Variants in KCNH7 observed in about 807,000 individuals in gnomAD.
KCNH7 encodes the protein potassium voltage-gated channel subfamily H member 7.
KCNH7 carries 49 observed loss-of-function variants against 120.8 expected under a neutral mutation model. The observed-to-expected ratio is 0.41, with a 90% confidence interval of 0.32 to 0.51. The LOEUF is 0.51. KCNH7 is among the 20% of genes least tolerant of loss of function. KCNH7 has a pLI of 0.38. For missense variants in KCNH7, 1,097 were observed against 1,446.6 expected, an observed-to-expected ratio of 0.76 and a Z score of 3.92; for synonymous variants, 547 against 516.1, an observed-to-expected ratio of 1.06 and a Z score of -0.81.
intron 6 of KCNH7, among the ~76,000 whole-genome samples, chr2:162,450,184 C>A (rs1166686722): frequency 6.6e-6 from 1 of 152,008 alleles, no homozygotes; most frequent in South Asian, 2.1e-4. Flanking sequence ...GAAAACTATA[C>A]AAATATTTTT....
chr2:162,381,241 A>G (rs1023293246), intron 13 of KCNH7, among the ~76,000 whole-genome samples: 1 of 152,264 alleles, frequency 6.6e-6, no homozygotes, highest in African/African-American at 2.4e-5. Context: ...CTTGACAAGT[A>G]TCTATGATTA....
intron 9 of KCNH7, among the ~76,000 whole-genome samples, chr2:162,415,691 T>G (rs913756313): frequency 6.6e-6 from 1 of 152,138 alleles, no homozygotes; most frequent in Non-Finnish European, 1.5e-5. Context: ...TAATAACAAT[T>G]TTTTTAAAAA....
chr2:162,437,556 G>A (rs1182061048), intron 7 of KCNH7, among the ~76,000 whole-genome samples: 6 of 152,004 alleles, frequency 3.9e-5, no homozygotes. Flanking sequence ...ACAAACTTAT[G>A]TTTGAATTCT....
intron 2 of KCNH7, among the ~76,000 whole-genome samples, chr2:162,548,390 T>A (rs558688934): frequency 6.6e-6 from 1 of 152,194 alleles, no homozygotes; most frequent in African/African-American, 2.4e-5. Flanking sequence ...CTTCCAAAGG[T>A]GGTTGCAGGA....
At chr2:162,793,640 T>C (rs1219397755) in intron 2 of KCNH7, among the ~76,000 whole-genome samples, 3 of 151,872 alleles carry the variant, frequency 2.0e-5, no homozygotes, top group African/African-American at 7.3e-5. Flanking sequence ...TACTCAAAGC[T>C]ATCTACAGAT....
intron 3 of KCNH7, among the ~76,000 whole-genome samples, chr2:162,535,303 T>G (rs561291833): frequency 2.2e-4 from 34 of 151,914 alleles, no homozygotes; most frequent in African/African-American, 7.7e-4. Flanking sequence ...CAATTTTTAT[T>G]TTATGTGATA....
At chr2:162,699,266 T>G (rs952604532) in intron 2 of KCNH7, among the ~76,000 whole-genome samples, 12 of 152,058 alleles carry the variant, frequency 7.9e-5, no homozygotes, top group African/African-American at 2.9e-4. Context: ...CACATATAAG[T>G]GAGATCACAT....
At chr2:162,640,324 T>C (rs1334927983) in intron 2 of KCNH7, among the ~76,000 whole-genome samples, 1 of 152,122 alleles carries the variant, frequency 6.6e-6, no homozygotes, top group African/African-American at 2.4e-5. Flanking sequence ...CTAATCAAGA[T>C]TGCATGTTAT....
chr2:162,649,573 T>C (rs898399456), intron 2 of KCNH7, among the ~76,000 whole-genome samples: 2 of 152,178 alleles, frequency 1.3e-5, no homozygotes, highest in East Asian at 3.9e-4. Flanking sequence ...AGATTTCTCA[T>C]GAGATCTCAA....
intron 2 of KCNH7, among the ~76,000 whole-genome samples, chr2:162,769,185 G>A (rs1419928357): frequency 1.3e-5 from 2 of 152,112 alleles, no homozygotes; most frequent in Admixed American, 6.6e-5. Flanking sequence ...AGTATCTTGT[G>A]CTAGCTTGAA....
At chr2:162,447,991 C>A (rs2105562164) in intron 6 of KCNH7, among the ~76,000 whole-genome samples, 1 of 152,086 alleles carries the variant, frequency 6.6e-6, no homozygotes, top group South Asian at 2.1e-4. Flanking sequence ...TTAATCAGTC[C>A]ACTGTAAATT....
intron 2 of KCNH7, among the ~76,000 whole-genome samples, chr2:162,743,878 T>G (rs555044441): frequency 2.6e-5 from 4 of 152,112 alleles, no homozygotes. Context: ...TTTTAAAATA[T>G]TTTTTCATAT....
chr2:162,486,135 A>T (rs1271890602), intron 6 of KCNH7, among the ~76,000 whole-genome samples: 1 of 152,206 alleles, frequency 6.6e-6, no homozygotes, highest in African/African-American at 2.4e-5. Context: ...AGGAGCCAAG[A>T]AAGTGTGAAA....
chr2:162,542,454 T>C (rs913982702), intron 2 of KCNH7, among the ~76,000 whole-genome samples: 1 of 126,774 alleles, frequency 7.9e-6, no homozygotes, highest in Non-Finnish European at 1.6e-5. Flanking sequence ...CCTGTGTCCA[T>C]GTGTTCTCAC....
At chr2:162,558,979 C>T (rs1227283779) in intron 2 of KCNH7, among the ~76,000 whole-genome samples, 3 of 139,498 alleles carry the variant, frequency 2.2e-5, no homozygotes, top group African/African-American at 5.4e-5. Flanking sequence ...GGCGTGAACC[C>T]GGGAGGTGGA....
chr2:162,752,083 A>AT (rs770125163), intron 2 of KCNH7, among the ~76,000 whole-genome samples: 2 of 152,074 alleles, frequency 1.3e-5, no homozygotes, highest in South Asian at 2.1e-4. Context: ...TTTGTCTATG[A>AT]TTTTCTCATC....
chr2:162,391,649 G>A (rs1384878184), intron 12 of KCNH7, among the ~76,000 whole-genome samples: 1 of 152,142 alleles, frequency 6.6e-6, no homozygotes, highest in Admixed American at 6.6e-5. Context: ...CTAGTTACAT[G>A]AGCACAGTAC....
At chr2:162,820,299 T>C (rs57852295) in intron 2 of KCNH7, among the ~76,000 whole-genome samples, 2 of 149,230 alleles carry the variant, frequency 1.3e-5, no homozygotes, top group Non-Finnish European at 1.5e-5. Flanking sequence ...ATGGTCTCCA[T>C]CTCCTGACCT....
chr2:162,771,730 T>C (rs942158718), intron 2 of KCNH7, among the ~76,000 whole-genome samples: 1 of 152,140 alleles, frequency 6.6e-6, no homozygotes, highest in Non-Finnish European at 1.5e-5. Context: ...AGTTGGATTT[T>C]TTTCCTAGCC....
Sources: gnomAD v4.1 joint callset for allele counts (sites outside exome capture counted in the v4.1 genomes callset) on GRCh38, gnomAD v4.1.1 for gene constraint, MANE v1.5 for transcripts, NCBI Gene and HGNC (gene_info 2026-07-23, HGNC 2026-07-21) for gene names.